The following SYNE1 variants were observed in gnomAD, a reference collection of about 807,000 sequenced individuals.
SYNE1 encodes nesprin-1.
Under a neutral mutation model 1,111.0 loss-of-function variants are expected in SYNE1, and 616 were observed. The ratio of observed to expected loss-of-function variants is 0.55; its 90% CI spans 0.52 to 0.59. The LOEUF is 0.59. Ranked by LOEUF, SYNE1 falls within the 20% of genes least tolerant of loss-of-function variation. The probability of loss-of-function intolerance (pLI) is 0.00; values close to 1 mark genes in which losing one functional copy is unlikely to be tolerated. For missense variants in SYNE1, 10,006 were observed against 10,417.0 expected (o/e 0.96, Z 1.72); for synonymous variants, 3,855 against 3,825.8 (o/e 1.01, Z -0.28).
intron 142 of SYNE1, 85 bp downstream of exon 142, chr6:152,135,018 AC>A: frequency 6.3e-7 from 1 of 1,587,822 alleles, no homozygotes; most frequent in East Asian, 2.2e-5. Flanking sequence ...AAAAGAAACA[AC>A]ACTTACCACT....
rs1255821455 is a variant in SYNE1 at position 152,318,210 on chromosome 6, T to C, written c.16443A>G (p.Ala5481=). The C allele has an allele frequency of 6.2e-7, 1 of 1,614,202 alleles. No individual in the cohort carries two copies. Among genetic ancestry groups the C allele is most frequent in the Non-Finnish European group, 8.5e-7 (1 of 1,180,028 alleles). ...GCNSKLMELD[A]AVQKFLEQNG... is the part of the protein sequence containing the mutation. Reference sequence around the variant, plus strand: ...TCTGTTCCAAGAATTTCTGTACTGCTGCATCTAATTCCATTAACTTTGAAT... The same window carrying C: ...TCTGTTCCAAGAATTTCTGTACTGCCGCATCTAATTCCATTAACTTTGAAT... The change falls in exon 86 of 146, where the codon GCA becomes GCG. Residue 5481 remains alanine, a synonymous_variant. Coordinates refer to ENST00000367255, the MANE Select transcript of SYNE1 (RefSeq NM_182961.4).
Position 152,352,399 on chromosome 6 carries a change from CT to C in SYNE1, c.11254-47del, listed in dbSNP as rs946264143. On this transcript the variant is annotated intron_variant, in intron 69 of 145. Coordinates refer to ENST00000367255, the MANE Select transcript of SYNE1 (RefSeq NM_182961.4). ...GAGCAAAGGTAGTCTTGTTTCTTTT[CT>C]TTTCTTTCTTTTTTTTTTTTGAGAT... The C allele has an allele frequency of 1.6e-5, 25 of 1,533,864 alleles. No homozygotes were observed. In the East Asian group the frequency reaches 4.6e-4, roughly 28 times the overall value.
chr6:152,609,062 C>T (rs60206862), intron 3 of SYNE1, among the ~76,000 whole-genome samples: 1,601 of 152,086 alleles, frequency 0.011, 24 homozygotes, highest in African/African-American at 0.037. Context: ...ACACAGAAGA[C>T]GGGTGATTTC....
intron 3 of SYNE1, among the ~76,000 whole-genome samples, chr6:152,571,540 T>A (rs1341296740): frequency 6.6e-6 from 1 of 152,138 alleles, no homozygotes; most frequent in Non-Finnish European, 1.5e-5. Flanking sequence ...GGATTTATAT[T>A]TAATTTCTAT....
chr6:152,539,885 T>C, intron 4 of SYNE1, 75 bp downstream of exon 4: 4 of 1,479,498 alleles, frequency 2.7e-6, no homozygotes, highest in Non-Finnish European at 3.8e-6. Flanking sequence ...GACAGAAGCA[T>C]TTTGTTATAC....
rs978964117 is a variant in SYNE1, at chr6:152,197,769, G to C, written c.23145+4055C>G. On this transcript the variant is annotated intron_variant, in intron 127 of 145. Transcript: ENST00000367255. ...TTTGTTGTTCTATTTATAGAGCACA[G>C]GTAGAGTTAGCATAATTCTTAAAGG... Among the ~76,000 whole-genome samples, 5 of 152,136 alleles carry C rather than the reference G, an allele frequency of 3.3e-5. No homozygotes were observed. In the South Asian group the frequency reaches 6.2e-4, roughly 19 times the overall value.
rs757744079 is a variant in SYNE1 at position 152,430,658 on chromosome 6, C to G, written c.4513G>C (p.Glu1505Gln). The G allele has an allele frequency of 1.2e-6, 2 of 1,613,990 alleles. No individual in the cohort carries two copies. The highest frequency in any genetic ancestry group is 1.7e-5 in the Admixed American group (1 of 59,996). ...SKLSSIVGLE[E>Q]EAQSFAQFVT... is the part of the protein sequence containing the mutation. ...AACTGAGCAAAAGACTGGGCTTCTT[C>G]TTCTAATCCTACAATGCTGCTGAGC... is the stretch of plus-strand genomic sequence containing the variant. The change falls in exon 35 of 146, where the codon GAA becomes CAA. Residue 1505 changes from glutamate to glutamine, a missense_variant. Glu to Gln is a conservative substitution (Grantham distance 29). Transcript: ENST00000367255.
At chr6:152,309,733 A>G in intron 90 of SYNE1, 102 bp downstream of exon 90, 1 of 1,470,424 alleles carries the variant, frequency 6.8e-7, no homozygotes, top group South Asian at 1.2e-5. Context: ...GTCAGATTCA[A>G]CACCCTGGAT....
chr6:152,611,322 C>A (rs2099630653), intron 3 of SYNE1, among the ~76,000 whole-genome samples: 1 of 151,216 alleles, frequency 6.6e-6, no homozygotes. Context: ...AAATGGAAAG[C>A]AAAAAAAAAG....
rs376484866 is a variant in SYNE1 at position 152,180,126 on chromosome 6, C to T, written c.23460+10G>A. 28 of 1,613,856 alleles carry T rather than the reference C, an allele frequency of 1.7e-5. No individual in the cohort carries two copies. The Middle Eastern group carries it at 4.9e-4, about 28-fold the overall frequency. ...AAGAATGAAAACCTAAGTAGCCATG[C>T]ATTCCATACCTTCTTGAGCTTCTCT... is the stretch of plus-strand genomic sequence containing the variant. On this transcript the variant is annotated intron_variant, in intron 129 of 145. Transcript: ENST00000367255.
At position 152,284,088 on chromosome 6, in the gene SYNE1, A is replaced by C; in HGVS notation, c.18097T>G (p.Cys6033Gly). ...AGCTGCTCCGCAGGGTCGGCCTCAC[A>C]AGACTCGGATACCAGCTCCTCTGCG... Reference protein sequence around the residue: ...SLAEELVSESCEADPAEQLAL... With the variant: ...SLAEELVSESGEADPAEQLAL... Residue 6033 changes from cysteine to glycine, a missense_variant, in exon 96 of 146, where the codon TGT (cysteine) becomes GGT (glycine). Transcript: ENST00000367255. The C allele has an allele frequency of 6.2e-7, 1 of 1,614,184 alleles. No homozygotes were observed.
chr6:152,428,248 C>T lies in SYNE1; in HGVS notation c.4933G>A (p.Glu1645Lys). 6.2e-7 allele frequency: 1 copy of T among 1,614,006 alleles called. No individual in the cohort carries two copies. The change falls in exon 37 of 146, where the codon GAG becomes AAG. Residue 1645 changes from glutamate to lysine, a missense_variant. Physicochemically the swap from Glu to Lys is moderately conservative, Grantham distance 56. Around this residue, in one of 7 missense-constraint regions of SYNE1, gnomAD observed 1,971 missense variants for 2,084.1 expected, o/e 0.95. Coordinates refer to ENST00000367255, the MANE Select transcript of SYNE1 (RefSeq NM_182961.4). ...QYEDILRRAKERQTALENLLA... is the reference protein window; with the variant it reads ...QYEDILRRAKKRQTALENLLA... The stretch of plus-strand genomic sequence containing the variant: ...AGATTCTCCAGCGCCGTCTGTCTCT[C>T]CTTCGCCCTCCTTAGGATGTCCTCG...
At position 152,186,202 on chromosome 6, in the gene SYNE1, C is replaced by T. The variant is rs114172108; in HGVS notation, c.23301+3050G>A. ...CAGAGGACCAAGAACATACTGAGGG[C>T]TGAGAATTTCATAAGTGACATCACA... is the stretch of plus-strand genomic sequence containing the variant. On this transcript the variant is annotated intron_variant, in intron 128 of 145. Coordinates refer to ENST00000367255, the MANE Select transcript of SYNE1 (RefSeq NM_182961.4). Among the ~76,000 whole-genome samples, 541 of 152,164 alleles carry T rather than the reference C, an allele frequency of 3.6e-3. 4 individuals carry two copies. Among genetic ancestry groups the T allele is most frequent in the African/African-American group, 0.013 (519 of 41,494 alleles).
intron 32 of SYNE1, among the ~76,000 whole-genome samples, chr6:152,437,709 C>G (rs1177727442): frequency 6.6e-6 from 1 of 152,018 alleles, no homozygotes; most frequent in East Asian, 1.9e-4. Context: ...AGAAAATGTA[C>G]TTGGTATCTC....
Position 152,569,294 on chromosome 6 carries a change from C to T in SYNE1, c.68-29273G>A, listed in dbSNP as rs1041192301. Among the ~76,000 whole-genome samples, 26 of 152,168 alleles carry T rather than the reference C, an allele frequency of 1.7e-4. 1 individual carries two copies. Among genetic ancestry groups the T allele is most frequent in the Admixed American group, 1.6e-3 (25 of 15,268 alleles). On this transcript the variant is annotated intron_variant, in intron 3 of 145. Transcript: ENST00000367255. ...TGGTGCAGTGGTTCCCAGCATGCAT[C>T]CAATTTCCTGGGTTTAGTTTAATCA...
At chr6:152,450,563 A>T in intron 27 of SYNE1, 62 bp downstream of exon 27, 1 of 1,336,440 alleles carries the variant, frequency 7.5e-7, no homozygotes. Flanking sequence ...TTTTGTCATG[A>T]TCTCCGAACT....
chr6:152,579,769 T>G (rs1442869581), intron 3 of SYNE1, among the ~76,000 whole-genome samples: 1 of 152,174 alleles, frequency 6.6e-6, no homozygotes, highest in African/African-American at 2.4e-5. Context: ...TAACAACATG[T>G]GGTACTTGGT....
At chr6:152,450,905 C>A in intron 26 of SYNE1, 72 bp from the exon 27 acceptor site, 2 of 1,601,440 alleles carry the variant, frequency 1.2e-6, no homozygotes, top group Non-Finnish European at 1.7e-6. Context: ...CACAGAAAAA[C>A]CAAAGGAAGA....
intron 6 of SYNE1, among the ~76,000 whole-genome samples, chr6:152,515,244 G>GAAAAA (rs924108981): frequency 2.0e-5 from 3 of 150,130 alleles, no homozygotes; most frequent in African/African-American, 7.3e-5. Flanking sequence ...GAAAAGAAAA[G>GAAAAA]AAAAAAAGTA....
Sources: allele counts gnomAD v4.1 joint callset (sites outside exome capture counted in the v4.1 genomes callset), GRCh38; gene constraint gnomAD v4.1.1; regional missense constraint gnomAD v4.1.1; transcripts MANE v1.5; gene names NCBI Gene and HGNC (gene_info 2026-07-23, HGNC 2026-07-21).